Variants in ENOX1 observed in about 807,000 individuals in gnomAD.
The protein encoded by ENOX1 is ecto-NOX disulfide-thiol exchanger 1.
In ENOX1, 42 loss-of-function variants were observed where a neutral mutation model predicts 82.5. The observed-to-expected ratio is 0.51, with a 90% CI of 0.40 to 0.66. The LOEUF is 0.66. Ranked by LOEUF, ENOX1 falls within the 30% of genes least tolerant of loss-of-function variation. The pLI, the probability that ENOX1 is intolerant of heterozygous loss-of-function variation, is 0.00. For synonymous variants in ENOX1, 271 were observed against 282.2 expected (o/e 0.96, Z 0.40); for missense variants, 608 against 811.6 (o/e 0.75, Z 3.05).
intron 5 of ENOX1, among the ~76,000 whole-genome samples, chr13:43,373,463 A>G (rs111657608): frequency 9.2e-5 from 14 of 152,330 alleles, no homozygotes; most frequent in Admixed American, 2.6e-4. Context: ...CGACACACCA[A>G]CTGCACTTGT....
chr13:43,641,529 ATTTTTT>A (rs769737189), intron 2 of ENOX1, among the ~76,000 whole-genome samples: 34 of 83,122 alleles, frequency 4.1e-4, no homozygotes, highest in African/African-American at 1.5e-3. Context: ...TTAATTTTTA[ATTTTTT>A]TTTTTTTTTT....
At chr13:43,443,505 G>A (rs1393919112) in intron 3 of ENOX1, among the ~76,000 whole-genome samples, 1 of 152,174 alleles carries the variant, frequency 6.6e-6, no homozygotes, top group African/African-American at 2.4e-5. Context: ...TGGAAGTCCC[G>A]ATGTACATCA....
At chr13:43,670,184 G>A (rs2085189978) in intron 1 of ENOX1, among the ~76,000 whole-genome samples, 1 of 152,148 alleles carries the variant, frequency 6.6e-6, no homozygotes, top group African/African-American at 2.4e-5. Context: ...AGCCTTACAA[G>A]TTACAGCTTA....
intron 1 of ENOX1, among the ~76,000 whole-genome samples, chr13:43,767,500 C>T (rs1005771530): frequency 6.6e-6 from 1 of 152,156 alleles, no homozygotes; most frequent in Non-Finnish European, 1.5e-5. Context: ...ATAGGGCAGG[C>T]AGCAATTGCC....
chr13:43,783,942 G>T (rs1952424572), intron 1 of ENOX1, among the ~76,000 whole-genome samples: 1 of 152,218 alleles, frequency 6.6e-6, no homozygotes, highest in Admixed American at 6.5e-5. Context: ...TACAGTGTGA[G>T]TATCAGGATG....
intron 12 of ENOX1, among the ~76,000 whole-genome samples, chr13:43,277,881 G>T (rs916512626): frequency 1.3e-5 from 2 of 152,174 alleles, no homozygotes; most frequent in Admixed American, 1.3e-4. Flanking sequence ...ACCTCAGGAG[G>T]CACAGAGAGG....
Position 43,361,160 on chromosome 13 carries a change from G to A in ENOX1, c.382+119C>T, listed in dbSNP as rs992484980. The A allele has an allele frequency of 7.2e-5, 74 of 1,024,402 alleles. 1 individual carries two copies. In the South Asian group the frequency reaches 1.0e-3, roughly 14 times the overall value. 63.5% of individuals were successfully genotyped at this position (1,024,402 alleles called of 1,614,324 possible). A position where few individuals can be genotyped will look rare whatever the true frequency, so the allele number is the denominator to read the frequency against. Reference sequence around the variant, plus strand: ...AGAGACAAAAGGCCTTCTGTAGAACGGATCCCCACTCTGTGCATTTACGTG... The same window carrying A: ...AGAGACAAAAGGCCTTCTGTAGAACAGATCCCCACTCTGTGCATTTACGTG... On this transcript the variant is annotated intron_variant, in intron 6 of 16. Coordinates refer to ENST00000690772, the MANE Select transcript of ENOX1 (RefSeq NM_001347969.2).
chr13:43,311,782 A>T lies in ENOX1; in HGVS notation c.1261+10602T>A, dbSNP rs773115221. Among the ~76,000 whole-genome samples, 8 of 152,352 alleles carry T rather than the reference A, an allele frequency of 5.3e-5. No homozygotes were observed. In the South Asian group the frequency reaches 1.2e-3, roughly 24 times the overall value. Reference sequence around the variant, plus strand: ...AGACAAAGGATATGGTCCCACACACATTGTGAGAATTTACTGAATATTTGT... The same window carrying T: ...AGACAAAGGATATGGTCCCACACACTTTGTGAGAATTTACTGAATATTTGT... On this transcript the variant is annotated intron_variant, in intron 11 of 16. Transcript: ENST00000690772.
chr13:43,466,161 A>AT (rs59775967), intron 3 of ENOX1, among the ~76,000 whole-genome samples: 68,994 of 151,504 alleles, frequency 0.46, 16,102 homozygotes, highest in Non-Finnish European at 0.5. Flanking sequence ...TATATTGTCT[A>AT]TTTTTTTGAT....
At chr13:43,598,180 A>G (rs946408859) in intron 2 of ENOX1, among the ~76,000 whole-genome samples, 1 of 147,578 alleles carries the variant, frequency 6.8e-6, no homozygotes, top group Non-Finnish European at 1.5e-5. Context: ...TGTGATCAGC[A>G]AACACTACAA....
intron 1 of ENOX1, among the ~76,000 whole-genome samples, chr13:43,670,857 C>CAA (rs533923258): frequency 6.9e-6 from 1 of 144,368 alleles, no homozygotes; most frequent in Non-Finnish European, 1.5e-5. Context: ...AACAAAACAA[C>CAA]AACAACAACA....
chr13:43,613,194 A>G (rs1000882099), intron 2 of ENOX1, among the ~76,000 whole-genome samples: 7 of 152,312 alleles, frequency 4.6e-5, no homozygotes, highest in Admixed American at 1.3e-4. Flanking sequence ...TTACTAGTCC[A>G]TCTTCAAAAG....
At chr13:43,481,698 G>A (rs2058513829) in intron 3 of ENOX1, among the ~76,000 whole-genome samples, 1 of 152,000 alleles carries the variant, frequency 6.6e-6, no homozygotes, top group Admixed American at 6.6e-5. Context: ...TGCAGCAAAG[G>A]AAGCAATCAA....
rs566992630 is a variant in ENOX1, at chr13:43,409,575, G to A, written c.208+2341C>T. Among the ~76,000 whole-genome samples, 6 of 152,300 alleles carry A rather than the reference G, an allele frequency of 3.9e-5. No individual in the cohort carries two copies. The South Asian group carries it at 1.0e-3, about 26-fold the overall frequency. On this transcript the variant is annotated intron_variant, in intron 5 of 16. Coordinates refer to ENST00000690772, the MANE Select transcript of ENOX1 (RefSeq NM_001347969.2). ...CACCATTTTATAGAAAAGGTAAGAT[G>A]TTTTTGCATGCTCAGGGAGACTAAG...
At chr13:43,271,761 T>G (rs2044698223) in intron 12 of ENOX1, among the ~76,000 whole-genome samples, 1 of 152,118 alleles carries the variant, frequency 6.6e-6, no homozygotes, top group African/African-American at 2.4e-5. Flanking sequence ...TCTCATCCAT[T>G]CTTGGATTCA....
At chr13:43,498,058 T>C (rs2076854056) in intron 2 of ENOX1, among the ~76,000 whole-genome samples, 1 of 152,112 alleles carries the variant, frequency 6.6e-6, no homozygotes. Context: ...GACTAAACCA[T>C]ATATATTTCA....
intron 2 of ENOX1, among the ~76,000 whole-genome samples, chr13:43,622,149 T>C (rs1454703303): frequency 3.3e-5 from 5 of 152,200 alleles, no homozygotes. Context: ...CTTCACTTCT[T>C]CTATCATGTT....
intron 1 of ENOX1, among the ~76,000 whole-genome samples, chr13:43,697,460 C>A (rs1020442941): frequency 1.3e-5 from 2 of 152,168 alleles, no homozygotes; most frequent in African/African-American, 4.8e-5. Context: ...GCTGGCTGTT[C>A]AACTACAATG....
chr13:43,391,165 C>T (rs1460201057), intron 5 of ENOX1, among the ~76,000 whole-genome samples: 1 of 152,060 alleles, frequency 6.6e-6, no homozygotes, highest in East Asian at 1.9e-4. Context: ...TCAATCATGC[C>T]GGCTACTACT....
Sources: allele counts gnomAD v4.1 joint callset (sites outside exome capture counted in the v4.1 genomes callset), GRCh38; gene constraint gnomAD v4.1.1; transcripts MANE v1.5; gene names NCBI Gene and HGNC (gene_info 2026-07-23, HGNC 2026-07-21).